Variants in EXOC2 observed in about 807,000 individuals in gnomAD.
The protein encoded by EXOC2 is SEC5-like 1.
Under a neutral mutation model 131.8 loss-of-function variants are expected in EXOC2, and 70 were observed. That is an observed-to-expected ratio of 0.53 (90% confidence interval 0.44 to 0.65). The LOEUF is 0.65. Ranked by LOEUF, EXOC2 falls within the 30% of genes least tolerant of loss-of-function variation. The pLI is 0.00. For synonymous variants in EXOC2, 411 were observed against 398.4 expected (o/e 1.03, Z -0.38); for missense variants, 923 against 1,108.6 (o/e 0.83, Z 2.38).
At chr6:504,326 C>T (rs1022529070) in intron 23 of EXOC2, among the ~76,000 whole-genome samples, 1 of 152,202 alleles carries the variant, frequency 6.6e-6, no homozygotes, top group East Asian at 1.9e-4. Flanking sequence ...CGTGTGCATC[C>T]GTTATGGAAG....
chr6:687,248 T>C (rs189763930), intron 1 of EXOC2, among the ~76,000 whole-genome samples: 1 of 127,390 alleles, frequency 7.8e-6, no homozygotes, highest in Non-Finnish European at 1.6e-5. Context: ...GGTGCAATCA[T>C]AGCTCACTGC....
At chr6:543,376 C>T (rs12176426) in intron 22 of EXOC2, among the ~76,000 whole-genome samples, 4 of 152,108 alleles carry the variant, frequency 2.6e-5, no homozygotes, top group Non-Finnish European at 4.4e-5. Context: ...AAGACAAATA[C>T]TGTGATCTCA....
chr6:687,913 T>C (rs1488331315), intron 1 of EXOC2, among the ~76,000 whole-genome samples: 2 of 152,238 alleles, frequency 1.3e-5, no homozygotes, highest in Admixed American at 6.5e-5. Context: ...TTTACTTTAT[T>C]CTTGTCTGTC....
intron 1 of EXOC2, among the ~76,000 whole-genome samples, chr6:682,199 C>CTTTT (rs10654916): frequency 3.1e-5 from 4 of 129,636 alleles, no homozygotes; most frequent in Admixed American, 7.8e-5. Flanking sequence ...TTCCCAGTTT[C>CTTTT]TTTTTTTTTT....
chr6:599,017 T>TA (rs1224629077), intron 8 of EXOC2, 63 bp downstream of exon 8: 32 of 1,562,986 alleles, frequency 2.0e-5, no homozygotes, highest in Non-Finnish European at 2.8e-5. Flanking sequence ...AAAAACATCT[T>TA]AAAAAATCTT....
At chr6:628,060 G>T (rs1171201971) in intron 4 of EXOC2, among the ~76,000 whole-genome samples, 1 of 152,186 alleles carries the variant, frequency 6.6e-6, no homozygotes, top group African/African-American at 2.4e-5. Flanking sequence ...AATCCTGTAA[G>T]GATGAACACT....
chr6:595,174 A>C (rs1313659523), intron 10 of EXOC2, among the ~76,000 whole-genome samples: 2 of 152,092 alleles, frequency 1.3e-5, no homozygotes, highest in Non-Finnish European at 2.9e-5. Flanking sequence ...TAGATAAAAT[A>C]GTGAATGATA....
intron 6 of EXOC2, 97 bp downstream of exon 6, chr6:617,614 A>G (rs1051787258): frequency 3.5e-6 from 5 of 1,433,028 alleles, no homozygotes. Flanking sequence ...TACTTTGATA[A>G]AAACAGACCG....
At chr6:551,643 T>G (rs1332639855) in intron 21 of EXOC2, among the ~76,000 whole-genome samples, 1 of 152,126 alleles carries the variant, frequency 6.6e-6, no homozygotes, top group Admixed American at 6.5e-5. Context: ...GCCTGAGGAT[T>G]CAGAGTGCCA....
intron 23 of EXOC2, among the ~76,000 whole-genome samples, chr6:524,000 C>T (rs1269278174): frequency 6.6e-6 from 1 of 152,106 alleles, no homozygotes; most frequent in Non-Finnish European, 1.5e-5. Flanking sequence ...TATCTAGATG[C>T]TTCCACCAAA....
Position 640,216 on chromosome 6 carries a change from C to T in EXOC2, c.-43-2355G>A, listed in dbSNP as rs577442633. Among the ~76,000 whole-genome samples, 19 of 152,196 alleles carry T rather than the reference C, an allele frequency of 1.2e-4. 1 individual carries two copies. Among genetic ancestry groups the T allele is most frequent in the African/African-American group, 4.1e-4 (17 of 41,524 alleles). On this transcript the variant is annotated intron_variant, in intron 1 of 27. Transcript: ENST00000230449. ...TCTTCTTTGGTTGGTCTAGTTTCTC[C>T]GTAGGTAAGGGAACTTCAGATAAAC...
intron 1 of EXOC2, chr6:656,555 G>C: frequency 6.3e-7 from 1 of 1,596,500 alleles, no homozygotes; most frequent in Non-Finnish European, 8.5e-7. Context: ...CGGGCAGATC[G>C]TGCACCACGC....
At chr6:549,987 A>C (rs1481625432) in intron 21 of EXOC2, among the ~76,000 whole-genome samples, 1 of 152,224 alleles carries the variant, frequency 6.6e-6, no homozygotes, top group East Asian at 1.9e-4. Context: ...TCTTACGAAA[A>C]CTACCAGACA....
At chr6:616,329 C>T (rs930521222) in intron 6 of EXOC2, among the ~76,000 whole-genome samples, 11 of 152,180 alleles carry the variant, frequency 7.2e-5, no homozygotes, top group Admixed American at 1.3e-4. Flanking sequence ...TTCTGCCGGG[C>T]GCGGTGGCTC....
At chr6:502,737 G>A (rs1016669314) in intron 23 of EXOC2, among the ~76,000 whole-genome samples, 8 of 152,086 alleles carry the variant, frequency 5.3e-5, no homozygotes, top group African/African-American at 1.2e-4. Context: ...GATAATATAA[G>A]GAGCTCAAAG....
intron 1 of EXOC2, among the ~76,000 whole-genome samples, chr6:692,800 G>A (rs1482161688): frequency 7.6e-6 from 1 of 131,872 alleles, no homozygotes; most frequent in Non-Finnish European, 1.7e-5. Flanking sequence ...TGGCGGGGGT[G>A]GGCGCGGAGC....
intron 22 of EXOC2, among the ~76,000 whole-genome samples, chr6:534,247 T>C (rs760619773): frequency 2.0e-5 from 3 of 152,084 alleles, no homozygotes; most frequent in Admixed American, 6.5e-5. Context: ...TACAAGCAGA[T>C]AGAGAAAAGG....
At chr6:682,017 C>T (rs1157861329) in intron 1 of EXOC2, among the ~76,000 whole-genome samples, 3 of 152,084 alleles carry the variant, frequency 2.0e-5, no homozygotes, top group Non-Finnish European at 2.9e-5. Flanking sequence ...AGTTCTACAT[C>T]GAATTTTAAA....
intron 7 of EXOC2, among the ~76,000 whole-genome samples, chr6:602,817 A>G (rs958639305): frequency 2.0e-5 from 3 of 152,150 alleles, no homozygotes; most frequent in Non-Finnish European, 2.9e-5. Context: ...GGGTCTGTGG[A>G]GCAGTAAAAT....
Sources: gnomAD v4.1 joint callset for allele counts (sites outside exome capture counted in the v4.1 genomes callset) on GRCh38, gnomAD v4.1.1 for gene constraint, MANE v1.5 for transcripts, NCBI Gene and HGNC (gene_info 2026-07-23, HGNC 2026-07-21) for gene names.